ARB2A: variants seen among roughly 807,000 people sequenced by gnomAD.
ARB2A encodes the protein ARB2 cotranscriptional regulator A, also known as cotranscriptional regulator ARB2A.
chr5:93,779,160 T>G, the ARB2A span, among the ~76,000 whole-genome samples: 1 of 151,574 alleles, frequency 6.6e-6, no homozygotes, highest in Non-Finnish European at 1.5e-5. Context: ...CATGTGGCAT[T>G]TTTACCCCAA....
the ARB2A span, among the ~76,000 whole-genome samples, chr5:94,066,201 A>T: frequency 6.6e-6 from 1 of 152,116 alleles, no homozygotes; most frequent in South Asian, 2.1e-4. Context: ...ACGCAAGGGT[A>T]AAAGGAAACG....
the ARB2A span, among the ~76,000 whole-genome samples, chr5:93,994,428 C>T: frequency 6.6e-6 from 1 of 152,232 alleles, no homozygotes; most frequent in South Asian, 2.1e-4. Flanking sequence ...ATGACAAATA[C>T]TGTATGATTT....
chr5:93,884,455 C>G, the ARB2A span, among the ~76,000 whole-genome samples: 2 of 151,576 alleles, frequency 1.3e-5, no homozygotes, highest in South Asian at 4.2e-4. Flanking sequence ...CTCATCTGTT[C>G]AATATCATAA....
At chr5:93,771,946 C>G in the ARB2A span, among the ~76,000 whole-genome samples, 1 of 152,146 alleles carries the variant, frequency 6.6e-6, no homozygotes, top group South Asian at 2.1e-4. Flanking sequence ...CCCAGCCATC[C>G]CATTACTGGG....
At chr5:93,680,151 T>A in the ARB2A span, among the ~76,000 whole-genome samples, 1 of 152,110 alleles carries the variant, frequency 6.6e-6, no homozygotes, top group Non-Finnish European at 1.5e-5. Flanking sequence ...TCATCTTTGA[T>A]AGGCCTGGAA....
the ARB2A span, among the ~76,000 whole-genome samples, chr5:93,784,729 G>A: frequency 6.6e-6 from 1 of 152,056 alleles, no homozygotes; most frequent in African/African-American, 2.4e-5. Flanking sequence ...TTAGAACTAC[G>A]CAGCTCTATT....
chr5:94,095,729 T>G, the ARB2A span, among the ~76,000 whole-genome samples: 3 of 152,038 alleles, frequency 2.0e-5, no homozygotes, highest in Non-Finnish European at 4.4e-5. Context: ...ATACAAAACA[T>G]TATACTAAAG....
chr5:93,730,838 G>C, the ARB2A span, among the ~76,000 whole-genome samples: 1 of 152,306 alleles, frequency 6.6e-6, no homozygotes, highest in Admixed American at 6.5e-5. Flanking sequence ...ACTGATGAGA[G>C]TTCAATTGTC....
At chr5:93,880,554 T>C in the ARB2A span, among the ~76,000 whole-genome samples, 3 of 151,782 alleles carry the variant, frequency 2.0e-5, no homozygotes, top group African/African-American at 7.2e-5. Context: ...ATGTTCTGAA[T>C]TGCTCACTTT....
chr5:93,926,500 T>C, the ARB2A span, among the ~76,000 whole-genome samples: 1 of 152,024 alleles, frequency 6.6e-6, no homozygotes, highest in Non-Finnish European at 1.5e-5. Context: ...ATACTTTAGT[T>C]TTCATTCTGA....
the ARB2A span, among the ~76,000 whole-genome samples, chr5:93,954,908 G>A: frequency 6.6e-6 from 1 of 152,058 alleles, no homozygotes; most frequent in African/African-American, 2.4e-5. Context: ...AGATCTGCCT[G>A]GTGTTGCCTT....
the ARB2A span, among the ~76,000 whole-genome samples, chr5:93,976,604 G>A: frequency 6.6e-6 from 1 of 152,140 alleles, no homozygotes; most frequent in Admixed American, 6.5e-5. Flanking sequence ...ATAAACAGGA[G>A]TTTTTCCTGT....
chr5:93,846,694 A>G, the ARB2A span, among the ~76,000 whole-genome samples: 1 of 152,134 alleles, frequency 6.6e-6, no homozygotes, highest in African/African-American at 2.4e-5. Context: ...TAATATTATA[A>G]TATTACTTCA....
the ARB2A span, among the ~76,000 whole-genome samples, chr5:93,693,633 G>A: frequency 1.3e-5 from 2 of 152,136 alleles, no homozygotes; most frequent in African/African-American, 2.4e-5. Context: ...GAAGTACAAA[G>A]AGGAGCTGGT....
At chr5:93,945,475 G>A in the ARB2A span, among the ~76,000 whole-genome samples, 12 of 151,280 alleles carry the variant, frequency 7.9e-5, no homozygotes, top group Non-Finnish European at 1.6e-4. Flanking sequence ...ACATTAAAGC[G>A]TAGAAGAGAG....
At chr5:93,835,859 T>G in the ARB2A span, among the ~76,000 whole-genome samples, 1 of 152,070 alleles carries the variant, frequency 6.6e-6, no homozygotes. Flanking sequence ...TACGACAAAA[T>G]TTACAAAATG....
the ARB2A span, among the ~76,000 whole-genome samples, chr5:93,942,215 T>C: frequency 6.6e-6 from 1 of 152,192 alleles, no homozygotes; most frequent in Non-Finnish European, 1.5e-5. Flanking sequence ...AGAGCTGTCA[T>C]CTCATTGTTT....
the ARB2A span, among the ~76,000 whole-genome samples, chr5:93,767,395 T>A: frequency 6.6e-6 from 1 of 152,194 alleles, no homozygotes; most frequent in African/African-American, 2.4e-5. Flanking sequence ...GGTGTTGGTG[T>A]GGATGTGGTG....
the ARB2A span, among the ~76,000 whole-genome samples, chr5:94,012,079 T>C: frequency 6.6e-6 from 1 of 151,824 alleles, no homozygotes; most frequent in Non-Finnish European, 1.5e-5. Flanking sequence ...CAATGTTAAA[T>C]ATTGCTAAGT....
Sources: allele counts gnomAD v4.1 joint callset (sites outside exome capture counted in the v4.1 genomes callset), GRCh38; gene constraint gnomAD v4.1.1; transcripts MANE v1.5; gene names NCBI Gene and HGNC (gene_info 2026-07-23, HGNC 2026-07-21).